The following CMTM7 variants were observed in gnomAD, a reference collection of about 807,000 sequenced individuals.
CMTM7 encodes CKLF like MARVEL transmembrane domain containing 7, also known as CKLF-like MARVEL transmembrane domain-containing protein 7.
A neutral mutation model predicts 19.3 loss-of-function variants in CMTM7; 7 were observed. The observed-to-expected ratio is 0.36, with a 90% confidence interval of 0.21 to 0.68. CMTM7 has a LOEUF of 0.68. Among genes scored for constraint, CMTM7 ranks in the 30% least tolerant of loss-of-function variants. The probability of loss-of-function intolerance (pLI) is 0.60; values close to 1 mark genes in which losing one functional copy is unlikely to be tolerated. For missense variants in CMTM7, 193 were observed against 232.6 expected (o/e 0.83, Z 1.11); for synonymous variants, 87 against 99.3 (o/e 0.88, Z 0.74).
intron 1 of CMTM7, among the ~76,000 whole-genome samples, chr3:32,433,433 C>T (rs1575120967): frequency 6.6e-6 from 1 of 152,144 alleles, no homozygotes; most frequent in South Asian, 2.1e-4. Context: ...GGCCCCATCA[C>T]GAGCCAAGAA....
At chr3:32,411,004 T>C (rs1360334515) in intron 1 of CMTM7, among the ~76,000 whole-genome samples, 1 of 152,258 alleles carries the variant, frequency 6.6e-6, no homozygotes, top group Non-Finnish European at 1.5e-5. Flanking sequence ...ACTCGAGTGT[T>C]AGCCATTTGG....
In CMTM7 at chr3:32,452,182, C is replaced by A. The variant is rs1049742616; in HGVS notation, c.433-210C>A. Reference sequence around the variant, plus strand: ...CCTGGCTGCCAGCCCTGACCTGGCCCAACCTGGAGGACTGGGGCCAGTGGC... The same window carrying A: ...CCTGGCTGCCAGCCCTGACCTGGCCAAACCTGGAGGACTGGGGCCAGTGGC... On this transcript the variant is annotated intron_variant, in intron 3 of 4. Transcript: ENST00000334983. 7 of 1,509,238 alleles carry A rather than the reference C, an allele frequency of 4.6e-6. No individual in the cohort carries two copies. The Admixed American group carries it at 8.1e-5, about 18-fold the overall frequency. 93.5% of individuals were successfully genotyped at this position (1,509,238 alleles called of 1,614,324 possible).
intron 1 of CMTM7, among the ~76,000 whole-genome samples, chr3:32,394,137 A>AT (rs2125615857): frequency 1.3e-5 from 2 of 152,296 alleles, no homozygotes; most frequent in Admixed American, 1.3e-4. Context: ...GGATGGCTGT[A>AT]TTAGTCCTAG....
Position 32,413,407 on chromosome 3 carries a change from A to G in CMTM7, c.159+21342A>G, listed in dbSNP as rs1450517451. Among the ~76,000 whole-genome samples, 3 of 152,210 alleles carry G rather than the reference A, an allele frequency of 2.0e-5. No individual in the cohort carries two copies. The East Asian group carries it at 5.8e-4, about 29-fold the overall frequency. ...AGACAGTGACATATCAGAACAAATG[A>G]ATTAGCTGATTCATTGATACATTCA... On this transcript the variant is annotated intron_variant, in intron 1 of 4. Coordinates refer to ENST00000334983, the MANE Select transcript of CMTM7 (RefSeq NM_138410.4).
intron 1 of CMTM7, among the ~76,000 whole-genome samples, chr3:32,424,707 T>C (rs1199007753): frequency 1.2e-4 from 18 of 151,788 alleles, no homozygotes; most frequent in Non-Finnish European, 1.2e-4. Context: ...TGCAGTGGCT[T>C]GATCATGGCT....
chr3:32,396,790 G>A (rs984128289), intron 1 of CMTM7, among the ~76,000 whole-genome samples: 6 of 152,198 alleles, frequency 3.9e-5, no homozygotes, highest in African/African-American at 7.2e-5. Flanking sequence ...GGGCTGAAAG[G>A]CATCCCCTGA....
chr3:32,422,708 A>C (rs1186719387), intron 1 of CMTM7, among the ~76,000 whole-genome samples: 1 of 152,242 alleles, frequency 6.6e-6, no homozygotes, highest in Non-Finnish European at 1.5e-5. Context: ...ACTTATGGTG[A>C]GGTTACTCCT....
chr3:32,450,982 A>G (rs139179837), intron 3 of CMTM7: 1 of 152,362 alleles, frequency 6.6e-6, no homozygotes, highest in African/African-American at 2.4e-5. Context: ...AACAATTAGT[A>G]AACAAGGCGT....
chr3:32,412,563 G>GT (rs71068048), intron 1 of CMTM7, among the ~76,000 whole-genome samples: 58,802 of 140,758 alleles, frequency 0.42, 13,260 homozygotes, highest in South Asian at 0.48. Context: ...TCCTCCAGCA[G>GT]TTTTTTTCAT....
chr3:32,452,597 T>C (rs1696853740), intron 4 of CMTM7, 124 bp downstream of exon 4: 1 of 973,336 alleles, frequency 1.0e-6, no homozygotes, highest in Non-Finnish European at 1.6e-6. Flanking sequence ...ACTTTAGAAG[T>C]AGTATTAGAG....
chr3:32,451,485 T>C (rs1442744246), intron 3 of CMTM7: 1 of 152,556 alleles, frequency 6.6e-6, no homozygotes, highest in Non-Finnish European at 1.5e-5. Flanking sequence ...TCTGTTTCTT[T>C]AGCTGTGAAA....
chr3:32,431,853 C>T (rs1025357948), intron 1 of CMTM7, among the ~76,000 whole-genome samples: 71 of 152,328 alleles, frequency 4.7e-4, no homozygotes, highest in Admixed American at 4.1e-3. Flanking sequence ...AATTTCAGGC[C>T]GGGCACAGTG....
At chr3:32,443,604 A>G (rs1488419902) in intron 2 of CMTM7, among the ~76,000 whole-genome samples, 1 of 152,192 alleles carries the variant, frequency 6.6e-6, no homozygotes, top group Non-Finnish European at 1.5e-5. Context: ...TTACTGAGTC[A>G]TATGGTCACT....
At position 32,391,952 on chromosome 3, in the gene CMTM7, A is replaced by T; in HGVS notation, c.46A>T (p.Ser16Cys). The T allele has an allele frequency of 8.1e-7, 1 of 1,230,112 alleles. No individual in the cohort carries two copies. The highest frequency in any genetic ancestry group is 3.2e-5 in the East Asian group (1 of 31,548). The allele number at this position is 1,230,112 out of a possible 1,614,324, so 76.2% of individuals were successfully genotyped here. A position where few individuals can be genotyped will look rare whatever the true frequency, so the allele number is the denominator to read the frequency against. ...CGTCCGCACCACGTGCAGCAGCGGC[A>T]GCGCGCTCGGACCCGGGGCCGGCGC... ...GLVRTTCSSG[S>C]ALGPGAGAAQ... The change falls in exon 1 of 5, where the codon AGC (serine) becomes TGC (cysteine). Residue 16 changes from serine to cysteine, a missense_variant. Coordinates refer to ENST00000334983, the MANE Select transcript of CMTM7 (RefSeq NM_138410.4).
rs115670729 is a variant in CMTM7 at position 32,438,555 on chromosome 3, G to A, written c.160-3285G>A. ...TAAAGTTGGAATGAATGAATCCCTG[G>A]GCAAAAAGGAAGCTTTTAGGAGCAC... On this transcript the variant is annotated intron_variant, in intron 1 of 4. Coordinates refer to ENST00000334983, the MANE Select transcript of CMTM7 (RefSeq NM_138410.4). Among the ~76,000 whole-genome samples, 397 of 151,916 alleles carry A rather than the reference G, an allele frequency of 2.6e-3. 2 individuals carry two copies. The highest frequency in any genetic ancestry group is 9.3e-3 in the African/African-American group (385 of 41,388).
chr3:32,450,683 C>T (rs1170239708), intron 3 of CMTM7, among the ~76,000 whole-genome samples: 1 of 152,118 alleles, frequency 6.6e-6, no homozygotes, highest in Non-Finnish European at 1.5e-5. Context: ...GGATGGTTGC[C>T]CCCTGAAGCT....
At chr3:32,440,113 A>T (rs1322432773) in intron 1 of CMTM7, among the ~76,000 whole-genome samples, 1 of 150,358 alleles carries the variant, frequency 6.7e-6, no homozygotes, top group African/African-American at 2.5e-5. Flanking sequence ...ACACTTTAAG[A>T]CTCGCTGCTC....
intron 1 of CMTM7, among the ~76,000 whole-genome samples, chr3:32,405,080 C>T (rs1206189972): frequency 1.3e-5 from 2 of 152,166 alleles, no homozygotes; most frequent in Non-Finnish European, 2.9e-5. Context: ...AGAAAACGGG[C>T]CTTCAGACCT....
chr3:32,404,614 T>C (rs920086019), intron 1 of CMTM7, among the ~76,000 whole-genome samples: 1 of 152,192 alleles, frequency 6.6e-6, no homozygotes, highest in Admixed American at 6.5e-5. Flanking sequence ...GTCCAGCAAG[T>C]CTTCTTTTTC....
Sources: allele counts gnomAD v4.1 joint callset (sites outside exome capture counted in the v4.1 genomes callset), GRCh38; gene constraint gnomAD v4.1.1; transcripts MANE v1.5; gene names NCBI Gene and HGNC (gene_info 2026-07-23, HGNC 2026-07-21).